ACAD11: variants seen among roughly 807,000 people sequenced by gnomAD.
The protein encoded by ACAD11 is acyl-Coenzyme A dehydrogenase family, member 11.
A neutral mutation model predicts 102.2 loss-of-function variants in ACAD11; 83 were observed. That is an observed-to-expected ratio of 0.81 (90% CI 0.68 to 0.97). The LOEUF is 0.97. Ranked by LOEUF, ACAD11 falls within the 50% of genes least tolerant of loss-of-function variation. The pLI is 0.00. For synonymous variants in ACAD11, 324 were observed against 319.8 expected (o/e 1.01, Z -0.14); for missense variants, 901 against 951.7 (o/e 0.95, Z 0.70).
At chr3:132,640,216 A>C (rs1940436710) in intron 4 of ACAD11, among the ~76,000 whole-genome samples, 1 of 151,830 alleles carries the variant, frequency 6.6e-6, no homozygotes, top group South Asian at 2.1e-4. Context: ...CAGCCTCCTA[A>C]GTAGCTGGGA....
chr3:132,587,177 T>C (rs773043711), intron 13 of ACAD11, among the ~76,000 whole-genome samples: 1 of 152,212 alleles, frequency 6.6e-6, no homozygotes, highest in Non-Finnish European at 1.5e-5. Flanking sequence ...GTTAAACACA[T>C]TTATTTTATA....
At chr3:132,564,558 C>A (rs1264209991) in intron 17 of ACAD11, among the ~76,000 whole-genome samples, 1 of 152,176 alleles carries the variant, frequency 6.6e-6, no homozygotes, top group African/African-American at 2.4e-5. Flanking sequence ...GCTTTGTACA[C>A]ATACTAGAGC....
intron 18 of ACAD11, 83 bp from the exon 19 acceptor site, chr3:132,560,025 T>C (rs1275807566): frequency 1.8e-6 from 2 of 1,099,348 alleles, no homozygotes; most frequent in Non-Finnish European, 2.7e-6. Context: ...ACAAGGAAAC[T>C]TTCCCACATC....
intron 13 of ACAD11, among the ~76,000 whole-genome samples, chr3:132,599,534 AAAAG>A (rs1157255208): frequency 1.3e-5 from 2 of 152,132 alleles, no homozygotes; most frequent in African/African-American, 2.4e-5. Context: ...TAAATATTAA[AAAAG>A]AAAGATATTG....
At chr3:132,631,199 TA>T in intron 6 of ACAD11, 141 bp downstream of exon 6, 1 of 458,258 alleles carries the variant, frequency 2.2e-6, no homozygotes, top group Non-Finnish European at 3.6e-6. Context: ...AAAAATAAAA[TA>T]AAAATAAAAA....
Position 132,605,102 on chromosome 3 carries a change from C to G in ACAD11, c.1518G>C (p.Met506Ile). Reference protein sequence around the residue: ...LQGNITSCFCMTEPDVASSDA... With the variant: ...LQGNITSCFCITEPDVASSDA... ...AGAATGGTGATTGGCATTTACCTGTCATACAGAAGCAAGAGGTAATGTTCC... is the reference window on the plus strand; with the variant it reads ...AGAATGGTGATTGGCATTTACCTGTGATACAGAAGCAAGAGGTAATGTTCC... Residue 506 changes from methionine (M) to isoleucine (I), a missense_variant, in exon 12 of 20, where the codon ATG (methionine) becomes ATC (isoleucine). By Grantham distance (10) the Met-to-Ile change is conservative. Transcript: ENST00000264990. The G allele has an allele frequency of 6.2e-7, 1 of 1,611,338 alleles. No homozygotes were observed. The highest frequency in any genetic ancestry group is 8.5e-7 in the Non-Finnish European group (1 of 1,177,814).
intron 17 of ACAD11, among the ~76,000 whole-genome samples, chr3:132,563,362 T>C (rs1020383922): frequency 6.6e-6 from 1 of 152,218 alleles, no homozygotes; most frequent in African/African-American, 2.4e-5. Flanking sequence ...GGACTGTGAT[T>C]GGAACTGCCT....
intron 4 of ACAD11, 74 bp downstream of exon 4, chr3:132,641,898 C>CT (rs1175390805): frequency 5.2e-6 from 7 of 1,349,470 alleles, no homozygotes; most frequent in Middle Eastern, 2.1e-4. Flanking sequence ...ACAATAATAG[C>CT]TTTTTTTGTT....
At chr3:132,579,024 C>T (rs963308391) in intron 14 of ACAD11, 143 bp from the exon 15 acceptor site, 10 of 1,517,498 alleles carry the variant, frequency 6.6e-6, no homozygotes, top group Non-Finnish European at 8.8e-6. Flanking sequence ...GTGTAAAAGA[C>T]GTACACCAAC....
At chr3:132,640,318 G>A (rs1352865368) in intron 4 of ACAD11, among the ~76,000 whole-genome samples, 1 of 152,116 alleles carries the variant, frequency 6.6e-6, no homozygotes, top group Non-Finnish European at 1.5e-5. Context: ...TCGAACTCCT[G>A]ACTTCGTGAT....
chr3:132,610,288 T>C (rs535507854), intron 11 of ACAD11, among the ~76,000 whole-genome samples: 3 of 152,014 alleles, frequency 2.0e-5, no homozygotes, highest in East Asian at 1.9e-4. Flanking sequence ...AGATCTAAAA[T>C]TGACACCCTA....
At chr3:132,625,449 A>T (rs1328470844) in intron 9 of ACAD11, among the ~76,000 whole-genome samples, 1 of 152,188 alleles carries the variant, frequency 6.6e-6, no homozygotes, top group African/African-American at 2.4e-5. Context: ...TTAACCTAAA[A>T]GTGTTGCATT....
At chr3:132,597,816 A>T (rs1938380778) in intron 13 of ACAD11, among the ~76,000 whole-genome samples, 1 of 152,092 alleles carries the variant, frequency 6.6e-6, no homozygotes, top group Non-Finnish European at 1.5e-5. Context: ...CAGGTTCAAG[A>T]TTTTCTGATG....
intron 11 of ACAD11, among the ~76,000 whole-genome samples, chr3:132,616,370 G>C (rs951409928): frequency 6.6e-6 from 1 of 152,178 alleles, no homozygotes; most frequent in African/African-American, 2.4e-5. Context: ...AGCTGAATCT[G>C]CAAGAGAAGT....
intron 5 of ACAD11, among the ~76,000 whole-genome samples, chr3:132,639,117 G>C (rs986167149): frequency 6.6e-6 from 1 of 152,152 alleles, no homozygotes; most frequent in Non-Finnish European, 1.5e-5. Context: ...TTCTTCATGA[G>C]ATAGGGCTAA....
intron 11 of ACAD11, among the ~76,000 whole-genome samples, chr3:132,617,176 A>G (rs1939440748): frequency 6.6e-6 from 1 of 152,200 alleles, no homozygotes; most frequent in Non-Finnish European, 1.5e-5. Flanking sequence ...ATCAAGTGCT[A>G]GTCCTTGACT....
chr3:132,641,326 G>C (rs1010396345), intron 4 of ACAD11, among the ~76,000 whole-genome samples: 2 of 152,064 alleles, frequency 1.3e-5, no homozygotes, highest in South Asian at 4.1e-4. Context: ...GGCGGATCAC[G>C]AGGTCAGGAG....
intron 15 of ACAD11, among the ~76,000 whole-genome samples, 199 bp from the exon 16 acceptor site, chr3:132,577,214 A>G (rs1388665860): frequency 6.8e-6 from 1 of 147,676 alleles, no homozygotes; most frequent in Non-Finnish European, 1.5e-5. Context: ...CAAGAAGAGA[A>G]ACCCTTTGAT....
At chr3:132,595,834 C>A (rs1283119634) in intron 13 of ACAD11, among the ~76,000 whole-genome samples, 2 of 152,020 alleles carry the variant, frequency 1.3e-5, no homozygotes, top group Non-Finnish European at 2.9e-5. Flanking sequence ...GGAGCACTTA[C>A]AAACTGTTGG....
Sources: allele counts gnomAD v4.1 joint callset (sites outside exome capture counted in the v4.1 genomes callset), GRCh38; gene constraint gnomAD v4.1.1; transcripts MANE v1.5; gene names NCBI Gene and HGNC (gene_info 2026-07-23, HGNC 2026-07-21).